Variants in IRAK3 observed in about 807,000 individuals in gnomAD.
IRAK3 encodes interleukin 1 receptor associated kinase 3, also known as interleukin-1 receptor-associated kinase 3.
In IRAK3, 57 loss-of-function variants were observed where a neutral mutation model predicts 56.6. That is an observed-to-expected ratio of 1.01 (90% confidence interval 0.81 to 1.26). The LOEUF (loss-of-function observed/expected upper bound fraction) is 1.26. IRAK3 is among the 50% of genes most tolerant of loss of function. The pLI is 0.00. For synonymous variants in IRAK3, 258 were observed against 255.7 expected (o/e 1.01, Z -0.09); for missense variants, 703 against 719.0 (o/e 0.98, Z 0.25).
chr12:66,245,775 A>G (rs957765061), intron 11 of IRAK3, among the ~76,000 whole-genome samples: 2 of 151,788 alleles, frequency 1.3e-5, no homozygotes, highest in Non-Finnish European at 2.9e-5. Context: ...CAAGTGATCC[A>G]CCCGCCTTGG....
At chr12:66,234,487 T>C in intron 8 of IRAK3, 1 of 1,611,768 alleles carries the variant, frequency 6.2e-7, no homozygotes. Flanking sequence ...AAGGATAAAA[T>C]CCGTTTTGTA....
chr12:66,212,211 C>T (rs1023120046), intron 5 of IRAK3, among the ~76,000 whole-genome samples: 4 of 152,032 alleles, frequency 2.6e-5, no homozygotes, highest in Non-Finnish European at 5.9e-5. Flanking sequence ...TAGGATGAGC[C>T]GGGTCCTCTC....
chr12:66,198,570 C>T (rs1203984664), intron 1 of IRAK3, among the ~76,000 whole-genome samples: 1 of 152,110 alleles, frequency 6.6e-6, no homozygotes, highest in African/African-American at 2.4e-5. Flanking sequence ...TCCCTTCAGT[C>T]TTGTTAAATT....
At chr12:66,244,917 A>G in intron 9 of IRAK3, 31 bp from the exon 10 acceptor site, 3 of 1,506,076 alleles carry the variant, frequency 2.0e-6, no homozygotes, top group Non-Finnish European at 2.8e-6. Flanking sequence ...TTTTTAAGAT[A>G]TATAGCTGAC....
At chr12:66,247,095 C>A (rs2053040604) in intron 11 of IRAK3, among the ~76,000 whole-genome samples, 1 of 152,076 alleles carries the variant, frequency 6.6e-6, no homozygotes, top group African/African-American at 2.4e-5. Flanking sequence ...CATGGCGAAA[C>A]CCCATCTCTA....
At position 66,226,744 on chromosome 12, in the gene IRAK3, A is replaced by C. The variant is rs1373673600; in HGVS notation, c.675A>C (p.Leu225=). The C allele has an allele frequency of 1.2e-6, 2 of 1,604,302 alleles. No homozygotes were observed. Among genetic ancestry groups the C allele is most frequent in the East Asian group, 2.2e-5 (1 of 44,846 alleles). Residue 225 remains leucine (L), a synonymous_variant, in exon 7 of 12, where the codon CTA becomes CTC. Transcript: ENST00000261233. ...CAAGGTTTCATCACCCAAACATACT[A>C]GAGTTGGCTGCATATTTTACAGAGA... is the stretch of plus-strand genomic sequence containing the variant. ...VLLLFHHPNI[L]ELAAYFTETE...
chr12:66,197,178 T>G, intron 1 of IRAK3: 1 of 1,287,528 alleles, frequency 7.8e-7, no homozygotes, highest in Non-Finnish European at 9.8e-7. Context: ...AAAAAATGGT[T>G]TTAAACAATG....
At position 66,248,114 on chromosome 12, in the gene IRAK3, G is replaced by C. The variant is rs768147683; in HGVS notation, c.1734G>C (p.Glu578Asp). 6.2e-7 allele frequency: 1 copy of C among 1,611,386 alleles called. No homozygotes were observed. Among genetic ancestry groups the C allele is most frequent in the Non-Finnish European group, 8.5e-7 (1 of 1,178,922 alleles). Residue 578 changes from glutamate to aspartate, a missense_variant, in exon 12 of 12, where the codon GAG (glutamate) becomes GAC (aspartate). Transcript: ENST00000261233. Reference sequence around the variant, plus strand: ...ATTCTTGCAGGAGCAGGCCAGTGGAGAGCAGCTGTTCCTCCAAATTTTCCT... The same window carrying C: ...ATTCTTGCAGGAGCAGGCCAGTGGACAGCAGCTGTTCCTCCAAATTTTCCT... ...PGHSCRSRPV[E>D]SSCSSKFSWD... is the part of the protein sequence containing the mutation.
chr12:66,210,786 T>C (rs545306433), intron 4 of IRAK3, among the ~76,000 whole-genome samples: 1 of 152,342 alleles, frequency 6.6e-6, no homozygotes, highest in South Asian at 2.1e-4. Flanking sequence ...GCTTTGGTTC[T>C]TCAACAATAA....
chr12:66,210,075 G>A, intron 3 of IRAK3, 72 bp from the exon 4 acceptor site: 1 of 989,564 alleles, frequency 1.0e-6, no homozygotes, highest in East Asian at 2.4e-5. Context: ...GGGAGCTTTG[G>A]ATTTGTGTTG....
At position 66,248,234 on chromosome 12, in the gene IRAK3, T is replaced by C; in HGVS notation, c.*63T>C. 8.3e-7 allele frequency: 1 copy of C among 1,201,834 alleles called. No homozygotes were observed. Among genetic ancestry groups the C allele is most frequent in the Non-Finnish European group, 1.2e-6 (1 of 814,456 alleles). 74.4% of individuals were successfully genotyped at this position (1,201,834 alleles called of 1,614,324 possible). On this transcript the variant is annotated 3_prime_UTR_variant, in exon 12 of 12. Transcript: ENST00000261233. ...TAGGCACCTGAGCATAGGTATGACC[T>C]TGGGAAGACATTGGCTCCATAAGCA...
chr12:66,236,785 G>GA (rs1336542598), intron 8 of IRAK3, among the ~76,000 whole-genome samples: 1 of 152,126 alleles, frequency 6.6e-6, no homozygotes, highest in African/African-American at 2.4e-5. Context: ...TGTTACAGGA[G>GA]AACGTGACCC....
intron 8 of IRAK3, among the ~76,000 whole-genome samples, chr12:66,243,067 GA>G (rs779548486): frequency 1.6e-3 from 216 of 136,596 alleles, no homozygotes; most frequent in Non-Finnish European, 1.5e-3. Context: ...ACTTTGTCTC[GA>G]AAAAAAAAAA....
At chr12:66,245,405 C>G (rs2053019724) in intron 11 of IRAK3, 143 bp downstream of exon 11, 1 of 895,328 alleles carries the variant, frequency 1.1e-6, no homozygotes, top group African/African-American at 1.7e-5. Flanking sequence ...AATAGTGTTT[C>G]CAGGTCAAAA....
intron 1 of IRAK3, chr12:66,196,808 C>G: frequency 7.2e-6 from 10 of 1,392,296 alleles, no homozygotes; most frequent in Non-Finnish European, 9.4e-6. Context: ...CTTAAAAGTT[C>G]TTTTAAAAAA....
intron 2 of IRAK3, among the ~76,000 whole-genome samples, chr12:66,207,003 A>G (rs1415452740): frequency 6.6e-6 from 1 of 152,118 alleles, no homozygotes; most frequent in Non-Finnish European, 1.5e-5. Flanking sequence ...CATTGTTCAT[A>G]ATATTCCTTT....
chr12:66,215,018 A>G, intron 5 of IRAK3, among the ~76,000 whole-genome samples: 1 of 152,178 alleles, frequency 6.6e-6, no homozygotes, highest in East Asian at 1.9e-4. Context: ...TAATTTCTCC[A>G]TTTCTCCAAA....
chr12:66,221,155 T>C (rs1342572688), intron 6 of IRAK3, among the ~76,000 whole-genome samples: 1 of 152,222 alleles, frequency 6.6e-6, no homozygotes, highest in African/African-American at 2.4e-5. Context: ...ATTTCCTTAA[T>C]TTCCTTTTCA....
At chr12:66,215,786 GCACACA>G (rs71096080) in intron 5 of IRAK3, among the ~76,000 whole-genome samples, 51 of 122,910 alleles carry the variant, frequency 4.1e-4, no homozygotes, top group Middle Eastern at 4.0e-3. Context: ...AACCCAACAT[GCACACA>G]CACACACACA....
Sources: gnomAD v4.1 joint callset for allele counts (sites outside exome capture counted in the v4.1 genomes callset) on GRCh38, gnomAD v4.1.1 for gene constraint, MANE v1.5 for transcripts, NCBI Gene and HGNC (gene_info 2026-07-23, HGNC 2026-07-21) for gene names.